Variants in SGCD observed in about 807,000 individuals in gnomAD.
SGCD encodes sarcoglycan delta, also known as delta-sarcoglycan.
SGCD carries 18 observed loss-of-function variants against 36.6 expected under a neutral mutation model. The ratio of observed to expected loss-of-function variants is 0.49; its 90% CI spans 0.34 to 0.73. SGCD has a LOEUF of 0.73. Ranked by LOEUF, SGCD falls within the 30% of genes least tolerant of loss-of-function variation. The pLI is 0.01. For synonymous variants in SGCD, 133 were observed against 130.6 expected (o/e 1.02, Z -0.12); for missense variants, 387 against 346.7 (o/e 1.12, Z -0.92).
chr5:156,559,461 T>C (rs1759184655), intron 4 of SGCD, among the ~76,000 whole-genome samples: 1 of 152,212 alleles, frequency 6.6e-6, no homozygotes, highest in Admixed American at 6.5e-5. Flanking sequence ...TCTAGATAGA[T>C]GTTCAGGGTA....
intron 3 of SGCD, among the ~76,000 whole-genome samples, chr5:156,383,371 C>T (rs551633196): frequency 6.6e-6 from 1 of 152,092 alleles, no homozygotes; most frequent in African/African-American, 2.4e-5. Context: ...GGGCGTGCAG[C>T]ATGTGCATGT....
chr5:155,986,328 A>AT (rs1400678994), intron 1 of SGCD, among the ~76,000 whole-genome samples: 3 of 152,110 alleles, frequency 2.0e-5, no homozygotes, highest in Admixed American at 6.5e-5. Flanking sequence ...AAAAGGACCA[A>AT]TTTTTTTACT....
chr5:156,576,412 T>C (rs1362191475), intron 4 of SGCD, among the ~76,000 whole-genome samples: 1 of 152,236 alleles, frequency 6.6e-6, no homozygotes, highest in Non-Finnish European at 1.5e-5. Flanking sequence ...TATAGTAGCA[T>C]GATTTATAAT....
intron 1 of SGCD, among the ~76,000 whole-genome samples, chr5:155,891,183 C>T (rs971933795): frequency 6.6e-6 from 1 of 152,172 alleles, no homozygotes; most frequent in African/African-American, 2.4e-5. Context: ...ATGTACAGAT[C>T]CACTTTCTGG....
At chr5:155,829,244 G>A in the SGCD span, among the ~76,000 whole-genome samples, 1 of 152,130 alleles carries the variant, frequency 6.6e-6, no homozygotes, top group Admixed American at 6.6e-5. Flanking sequence ...TCTATATAGT[G>A]CAGCTCTTTG....
intron 1 of SGCD, among the ~76,000 whole-genome samples, chr5:155,936,619 G>A (rs749674666): frequency 6.6e-6 from 1 of 152,174 alleles, no homozygotes; most frequent in Non-Finnish European, 1.5e-5. Flanking sequence ...GTCCATGGGC[G>A]GCCATGGGCA....
intron 1 of SGCD, among the ~76,000 whole-genome samples, chr5:156,078,522 T>A (rs191383548): frequency 0.13 from 15,046 of 119,890 alleles, 1,172 homozygotes; most frequent in Admixed American, 0.28. Flanking sequence ...AAAAAAAAAA[T>A]ATATATATAT....
At chr5:156,362,692 T>G (rs887743968) in intron 3 of SGCD, among the ~76,000 whole-genome samples, 1 of 152,114 alleles carries the variant, frequency 6.6e-6, no homozygotes, top group African/African-American at 2.4e-5. Flanking sequence ...GTGACTACTG[T>G]GAACCTCGTG....
the SGCD span, among the ~76,000 whole-genome samples, chr5:155,854,787 T>C: frequency 6.6e-6 from 1 of 152,206 alleles, no homozygotes; most frequent in African/African-American, 2.4e-5. Context: ...ATAGAAATTA[T>C]TATAACAGTG....
chr5:156,570,508 C>A (rs17559950), intron 4 of SGCD, among the ~76,000 whole-genome samples: 33,981 of 152,074 alleles, frequency 0.22, 4,584 homozygotes, highest in Non-Finnish European at 0.31. Context: ...TTGATAGATA[C>A]ATACCTAGTC....
the SGCD span, among the ~76,000 whole-genome samples, chr5:155,744,879 T>A: frequency 5.3e-5 from 8 of 152,278 alleles, no homozygotes; most frequent in Admixed American, 1.3e-4. Context: ...AATTTGCAAA[T>A]ATAGGAAGTT....
At chr5:156,404,235 T>TA (rs1315361326) in intron 3 of SGCD, among the ~76,000 whole-genome samples, 3 of 152,232 alleles carry the variant, frequency 2.0e-5, no homozygotes, top group African/African-American at 7.2e-5. Flanking sequence ...ATTATGTGTA[T>TA]ATAATGTCAT....
At chr5:156,501,917 T>A (rs1054407398) in intron 3 of SGCD, among the ~76,000 whole-genome samples, 2 of 152,210 alleles carry the variant, frequency 1.3e-5, no homozygotes, top group African/African-American at 4.8e-5. Context: ...ATCCCCCTAT[T>A]GGGCTACTAT....
chr5:156,180,886 C>T (rs1763590835), intron 3 of SGCD, among the ~76,000 whole-genome samples: 1 of 152,192 alleles, frequency 6.6e-6, no homozygotes, highest in Admixed American at 6.5e-5. Flanking sequence ...TCTCTTAGAG[C>T]TGCTCTCAGA....
rs191466496 is a variant in SGCD, at chr5:156,028,244, T to A, written c.-281-89634T>A. On this transcript the variant is annotated intron_variant, in intron 1 of 9. Coordinates refer to the SGCD transcript ENST00000517913. ...ATCGAAGACAGGGTAGAATGTGCGT[T>A]CAGCCCAGAAATAGCCCTTGAACAT... Among the ~76,000 whole-genome samples the A allele has an allele frequency of 3.9e-5, 6 of 152,316 alleles. No individual in the cohort carries two copies. In the East Asian group the frequency reaches 1.2e-3, roughly 29 times the overall value.
At chr5:156,447,397 A>G (rs1462482255) in intron 3 of SGCD, among the ~76,000 whole-genome samples, 1 of 152,174 alleles carries the variant, frequency 6.6e-6, no homozygotes, top group African/African-American at 2.4e-5. Context: ...GTGGCCAGGA[A>G]TAATTCATAC....
chr5:156,047,479 G>A (rs929872552), intron 1 of SGCD, among the ~76,000 whole-genome samples: 3 of 152,108 alleles, frequency 2.0e-5, no homozygotes, highest in Non-Finnish European at 2.9e-5. Flanking sequence ...CTAAGTTGAA[G>A]CCAATACTTA....
intron 7 of SGCD, among the ~76,000 whole-genome samples, chr5:156,724,724 T>C (rs1358228102): frequency 6.6e-6 from 1 of 152,226 alleles, no homozygotes; most frequent in Non-Finnish European, 1.5e-5. Context: ...AGTTTCAGAA[T>C]GATATGTTTA....
the SGCD span, among the ~76,000 whole-genome samples, chr5:155,831,764 G>C: frequency 6.6e-6 from 1 of 152,178 alleles, no homozygotes; most frequent in Non-Finnish European, 1.5e-5. Context: ...CTTAGTAATT[G>C]CTTCCACAGA....
Sources: gnomAD v4.1 joint callset for allele counts (sites outside exome capture counted in the v4.1 genomes callset) on GRCh38, gnomAD v4.1.1 for gene constraint, MANE v1.5 for transcripts, NCBI Gene and HGNC (gene_info 2026-07-23, HGNC 2026-07-21) for gene names.